FAT3: variants seen among roughly 807,000 people sequenced by gnomAD.
FAT3 encodes the protein protocadherin Fat 3.
A neutral mutation model predicts 310.2 loss-of-function variants in FAT3; 95 were observed. The observed-to-expected ratio is 0.31, with a 90% CI of 0.26 to 0.36. The LOEUF (loss-of-function observed/expected upper bound fraction) is 0.36, where lower values mean the gene tolerates loss of function less well. Ranked by LOEUF, FAT3 falls within the 10% of genes least tolerant of loss-of-function variation. The probability of loss-of-function intolerance (pLI) is 1.00; values close to 1 mark genes in which losing one functional copy is unlikely to be tolerated. For synonymous variants in FAT3, 2,314 were observed against 2,192.9 expected (o/e 1.06, Z -1.54); for missense variants, 5,408 against 5,715.6 (o/e 0.95, Z 1.74).
At chr11:92,338,240 C>T (rs1948144249) in intron 1 of FAT3, among the ~76,000 whole-genome samples, 1 of 152,140 alleles carries the variant, frequency 6.6e-6, no homozygotes, top group African/African-American at 2.4e-5. Context: ...ATTTGTATTA[C>T]ATAATTAGTG....
At chr11:92,503,358 A>G (rs1182894243) in intron 2 of FAT3, among the ~76,000 whole-genome samples, 1 of 152,136 alleles carries the variant, frequency 6.6e-6, no homozygotes. Context: ...AGTCCTTATT[A>G]TGTGCCAGGC....
intron 1 of FAT3, among the ~76,000 whole-genome samples, chr11:92,339,990 T>C (rs1241493258): frequency 6.6e-6 from 1 of 151,496 alleles, no homozygotes; most frequent in African/African-American, 2.4e-5. Context: ...CGGGCCCCTG[T>C]AGTCCCAGCT....
intron 26 of FAT3, among the ~76,000 whole-genome samples, 195 bp downstream of exon 26, chr11:92,889,443 TAA>T (rs1949866636): frequency 1.3e-5 from 2 of 151,560 alleles, no homozygotes; most frequent in Admixed American, 6.6e-5. Flanking sequence ...AAAAAATATA[TAA>T]GGTACCCTCT....
At chr11:92,327,741 T>A (rs1399240558) in intron 1 of FAT3, among the ~76,000 whole-genome samples, 1 of 152,172 alleles carries the variant, frequency 6.6e-6, no homozygotes, top group Non-Finnish European at 1.5e-5. Flanking sequence ...TAAGTAGCCA[T>A]TTGGCAGTGA....
chr11:92,807,440 C>G (rs1947535020), intron 12 of FAT3, among the ~76,000 whole-genome samples: 1 of 152,072 alleles, frequency 6.6e-6, no homozygotes, highest in South Asian at 2.1e-4. Context: ...TTTTTATTTT[C>G]TTTGTAAAAC....
At chr11:92,316,304 C>T in intron 1 of FAT3, among the ~76,000 whole-genome samples, 1 of 152,080 alleles carries the variant, frequency 6.6e-6, no homozygotes, top group African/African-American at 2.4e-5. Context: ...AGTGAGATTT[C>T]AGTACTCAGA....
rs1948643537 is a variant in FAT3 at position 92,844,694 on chromosome 11, G to A, written c.11327G>A (p.Cys3776Tyr). Residue 3776 changes from cysteine (C) to tyrosine (Y), a missense_variant, in exon 19 of 28, where the codon TGT becomes TAT. Transcript: ENST00000525166. ...AGCACGGCTCGCATCAGCTTTGTGT[G>A]TCCGCGTTTCTACAGGAACGTGCGT... ...TYSTARISFVCPRFYRNVRCT... is the reference protein window; with the variant it reads ...TYSTARISFVYPRFYRNVRCT... 3 of 1,577,744 alleles carry A rather than the reference G, an allele frequency of 1.9e-6. No individual in the cohort carries two copies. Among genetic ancestry groups the A allele is most frequent in the East Asian group, 2.3e-5 (1 of 43,696 alleles).
chr11:92,310,587 G>A (rs975455048), intron 1 of FAT3, among the ~76,000 whole-genome samples: 41 of 152,058 alleles, frequency 2.7e-4, no homozygotes, highest in African/African-American at 8.9e-4. Flanking sequence ...GATATAATGT[G>A]TATTGGTGAA....
intron 1 of FAT3, among the ~76,000 whole-genome samples, chr11:92,254,879 T>A (rs1316362331): frequency 1.3e-5 from 2 of 152,108 alleles, no homozygotes; most frequent in Non-Finnish European, 2.9e-5. Flanking sequence ...CTAATTTTTG[T>A]ATTTTTAGTA....
At chr11:92,507,654 A>G (rs1953155294) in intron 2 of FAT3, among the ~76,000 whole-genome samples, 1 of 150,954 alleles carries the variant, frequency 6.6e-6, no homozygotes, top group Non-Finnish European at 1.5e-5. Flanking sequence ...ATATATACAT[A>G]TATACACATA....
chr11:92,857,463 T>A, intron 20 of FAT3, 115 bp downstream of exon 20: 1 of 1,386,484 alleles, frequency 7.2e-7, no homozygotes, highest in Non-Finnish European at 9.9e-7. Flanking sequence ...GCATGCAACC[T>A]TTTCCTTTAG....
intron 3 of FAT3, among the ~76,000 whole-genome samples, chr11:92,529,340 C>A (rs1019621094): frequency 6.6e-6 from 1 of 152,002 alleles, no homozygotes; most frequent in Non-Finnish European, 1.5e-5. Context: ...GAGACAGAGG[C>A]CAGATAACTA....
chr11:92,749,899 C>CAAG (rs1565563525), intron 4 of FAT3, among the ~76,000 whole-genome samples: 1 of 152,190 alleles, frequency 6.6e-6, no homozygotes, highest in Non-Finnish European at 1.5e-5. Flanking sequence ...AGAAGGGTAA[C>CAAG]ATATTATTAG....
At chr11:92,325,347 T>A (rs1162722137) in intron 1 of FAT3, among the ~76,000 whole-genome samples, 3 of 152,214 alleles carry the variant, frequency 2.0e-5, no homozygotes, top group Non-Finnish European at 4.4e-5. Flanking sequence ...AGGTTGATGG[T>A]TAAGTTAGAA....
chr11:92,505,954 C>T (rs892977249), intron 2 of FAT3, among the ~76,000 whole-genome samples: 5 of 151,970 alleles, frequency 3.3e-5, no homozygotes, highest in African/African-American at 7.3e-5. Context: ...TGTCTAGTTG[C>T]GGGGTGGGGG....
chr11:92,762,203 A>T, intron 5 of FAT3, 33 bp downstream of exon 5: 1 of 1,570,982 alleles, frequency 6.4e-7, no homozygotes, highest in Non-Finnish European at 8.7e-7. Context: ...AGCACAGCAG[A>T]TGGGGGGAAG....
chr11:92,392,643 C>G (rs1949776147), intron 2 of FAT3, among the ~76,000 whole-genome samples: 1 of 152,196 alleles, frequency 6.6e-6, no homozygotes, highest in Non-Finnish European at 1.5e-5. Flanking sequence ...GCTTATCTGG[C>G]TAACTCCTTT....
chr11:92,609,252 A>G (rs891687358), intron 3 of FAT3, among the ~76,000 whole-genome samples: 3 of 152,168 alleles, frequency 2.0e-5, no homozygotes, highest in Admixed American at 6.5e-5. Context: ...TAGCAGAAGC[A>G]AACTTTTAAG....
intron 1 of FAT3, among the ~76,000 whole-genome samples, chr11:92,334,608 A>C (rs963453272): frequency 6.6e-6 from 1 of 151,846 alleles, no homozygotes; most frequent in Non-Finnish European, 1.5e-5. Context: ...ATTCCAGAAA[A>C]TACTGTCAAC....
Sources: gnomAD v4.1 joint callset for allele counts (sites outside exome capture counted in the v4.1 genomes callset) on GRCh38, gnomAD v4.1.1 for gene constraint, MANE v1.5 for transcripts, NCBI Gene and HGNC (gene_info 2026-07-23, HGNC 2026-07-21) for gene names.